Variants in MARCHF7 observed in about 807,000 individuals in gnomAD.
MARCHF7 encodes the protein E3 ubiquitin-protein ligase MARCHF7.
In MARCHF7, 20 loss-of-function variants were observed where a neutral mutation model predicts 76.5. The observed-to-expected ratio is 0.26, with a 90% CI of 0.18 to 0.38. The LOEUF is 0.38. MARCHF7 is among the 10% of genes least tolerant of loss of function. The pLI, the probability that MARCHF7 is intolerant of heterozygous loss-of-function variation, is 1.00. For synonymous variants in MARCHF7, 295 were observed against 293.0 expected (o/e 1.01, Z -0.07); for missense variants, 797 against 812.9 (o/e 0.98, Z 0.24).
chr2:159,730,479 T>C (rs1460194084), intron 4 of MARCHF7, among the ~76,000 whole-genome samples: 1 of 152,194 alleles, frequency 6.6e-6, no homozygotes, highest in Non-Finnish European at 1.5e-5. Flanking sequence ...AAACAAAAAA[T>C]GAAAATGCTC....
At chr2:159,737,656 C>T (rs1163356700) in intron 4 of MARCHF7, among the ~76,000 whole-genome samples, 2 of 152,064 alleles carry the variant, frequency 1.3e-5, no homozygotes, top group Non-Finnish European at 2.9e-5. Context: ...TGCATGGTGT[C>T]GCATGCCTGT....
chr2:159,756,925 G>T (rs1275890719), intron 8 of MARCHF7, among the ~76,000 whole-genome samples: 10 of 151,976 alleles, frequency 6.6e-5, no homozygotes, highest in Admixed American at 1.3e-4. Flanking sequence ...ACGGAGTCTT[G>T]TTCTGTCACC....
chr2:159,748,852 C>T lies in MARCHF7; in HGVS notation c.1562C>T (p.Thr521Ile). The change falls in exon 7 of 12, where the codon ACT (threonine) becomes ATT (isoleucine). Residue 521 changes from threonine to isoleucine, a missense_variant. Coordinates refer to ENST00000409175, the MANE Select transcript of MARCHF7 (RefSeq NM_001282805.2). ...WNSADGKSDK[T>I]KSAPSRDPER... Reference sequence around the variant, plus strand: ...TCAGCTGATGGTAAAAGTGATAAAACTAAAAGTGCGCCTTCAAGAGATCCA... The same window carrying T: ...TCAGCTGATGGTAAAAGTGATAAAATTAAAAGTGCGCCTTCAAGAGATCCA... 6.2e-7 allele frequency: 1 copy of T among 1,613,112 alleles called. No homozygotes were observed. The highest frequency in any genetic ancestry group is 2.2e-5 in the East Asian group (1 of 44,878).
chr2:159,713,934 T>C (rs1022812344), intron 1 of MARCHF7, among the ~76,000 whole-genome samples: 2 of 152,232 alleles, frequency 1.3e-5, no homozygotes, highest in Non-Finnish European at 2.9e-5. Context: ...TTTCCAAGTT[T>C]AGTGCTGGGT....
At position 159,714,956 on chromosome 2, in the gene MARCHF7, C is replaced by T. The variant is rs554455288; in HGVS notation, c.-101+358C>T. Among the ~76,000 whole-genome samples, 4 of 152,190 alleles carry T rather than the reference C, an allele frequency of 2.6e-5. No individual in the cohort carries two copies. The South Asian group carries it at 6.2e-4, about 24-fold the overall frequency. On this transcript the variant is annotated intron_variant, in intron 2 of 11. Coordinates refer to ENST00000409175, the MANE Select transcript of MARCHF7 (RefSeq NM_001282805.2). Reference sequence around the variant, plus strand: ...AAAATAAAGTTAGTGCTCTATGCTGCGGAATGGAGAGCTATTGTGTTCCTT... The same window carrying T: ...AAAATAAAGTTAGTGCTCTATGCTGTGGAATGGAGAGCTATTGTGTTCCTT...
At position 159,744,199 on chromosome 2, in the gene MARCHF7, G is replaced by A. The variant is rs529879839; in HGVS notation, c.346+946G>A. Among the ~76,000 whole-genome samples the A allele has an allele frequency of 1.3e-3, 202 of 151,672 alleles. 1 individual carries two copies. Among genetic ancestry groups the A allele is most frequent in the Admixed American group, 2.4e-3 (37 of 15,232 alleles). ...AGACGGGGTTTCACCGTTTTTAGCCGGGATGGTCTCGATCTCCTGACCTCG... is the reference window on the plus strand; with the variant it reads ...AGACGGGGTTTCACCGTTTTTAGCCAGGATGGTCTCGATCTCCTGACCTCG... On this transcript the variant is annotated intron_variant, in intron 5 of 11. Transcript: ENST00000409175.
At chr2:159,761,406 C>CTTTTCTTT (rs1707065139) in intron 9 of MARCHF7, among the ~76,000 whole-genome samples, 1 of 73,778 alleles carries the variant, frequency 1.4e-5, no homozygotes, top group South Asian at 5.0e-4. Context: ...TGAATCATTT[C>CTTTTCTTT]TTTTTTTTTT....
rs755220068 is a variant in MARCHF7 at position 159,762,840 on chromosome 2, T to C, written c.1894-40T>C. Reference sequence around the variant, plus strand: ...TCTCAATTCTACTAATTTTTCATTCTCTGTATTTTTCTTTTCTCCTGTTTG... The same window carrying C: ...TCTCAATTCTACTAATTTTTCATTCCCTGTATTTTTCTTTTCTCCTGTTTG... On this transcript the variant is annotated intron_variant, in intron 9 of 11. Transcript: ENST00000409175. 26 of 1,228,162 alleles carry C rather than the reference T, an allele frequency of 2.1e-5. 1 individual carries two copies. Among genetic ancestry groups the C allele is most frequent in the Non-Finnish European group, 2.8e-5 (24 of 848,204 alleles). 76.1% of individuals were successfully genotyped at this position (1,228,162 alleles called of 1,614,324 possible).
intron 3 of MARCHF7, among the ~76,000 whole-genome samples, chr2:159,728,493 T>C (rs1456086283): frequency 2.0e-5 from 3 of 152,174 alleles, no homozygotes; most frequent in South Asian, 2.1e-4. Flanking sequence ...CATAGTAGTA[T>C]CAAAAGTATG....
Position 159,768,799 on chromosome 2 carries a change from C to T in MARCHF7, c.*1457C>T, listed in dbSNP as rs1409648308. Reference sequence around the variant, plus strand: ...TATATTCTGTGGGTCCTAAGGGATGCTTTGAATTTGAAGTATATATACTTT... The same window carrying T: ...TATATTCTGTGGGTCCTAAGGGATGTTTTGAATTTGAAGTATATATACTTT... On this transcript the variant is annotated 3_prime_UTR_variant, in exon 12 of 12. Transcript: ENST00000409175. The T allele has an allele frequency of 6.6e-6, 1 of 152,098 alleles. No individual in the cohort carries two copies. Among genetic ancestry groups the T allele is most frequent in the African/African-American group, 2.4e-5 (1 of 41,424 alleles). The allele number at this position is 152,098 out of a possible 1,614,324, so 9.4% of individuals were successfully genotyped here.
At chr2:159,714,957 G>A (rs1700868112) in intron 2 of MARCHF7, among the ~76,000 whole-genome samples, 2 of 152,206 alleles carry the variant, frequency 1.3e-5, no homozygotes, top group Admixed American at 6.5e-5. Flanking sequence ...TCTATGCTGC[G>A]GAATGGAGAG....
intron 9 of MARCHF7, among the ~76,000 whole-genome samples, chr2:159,761,148 C>T (rs1180783103): frequency 4.6e-5 from 7 of 151,258 alleles, no homozygotes; most frequent in Non-Finnish European, 1.0e-4. Flanking sequence ...GCCTCAGCCT[C>T]CCAAGTAGGT....
At chr2:159,765,642 G>A (rs1574466517) in intron 11 of MARCHF7, among the ~76,000 whole-genome samples, 2 of 152,204 alleles carry the variant, frequency 1.3e-5, no homozygotes, top group Admixed American at 1.3e-4. Flanking sequence ...AGAAAGCTCA[G>A]CATCCTTTGA....
rs538273181 is a variant in MARCHF7 at position 159,770,280 on chromosome 2, G to A, written c.*2938G>A. ...AATCACTATACAAAATCTCAGAAAT[G>A]TAAAGCTCTTACAGAGCATGCTTGT... On this transcript the variant is annotated 3_prime_UTR_variant, in exon 12 of 12. Coordinates refer to ENST00000409175, the MANE Select transcript of MARCHF7 (RefSeq NM_001282805.2). The A allele has an allele frequency of 6.6e-6, 1 of 152,274 alleles. No homozygotes were observed. Among genetic ancestry groups the A allele is most frequent in the African/African-American group, 2.4e-5 (1 of 41,554 alleles). The allele number at this position is 152,274 out of a possible 1,614,324, so 9.4% of individuals were successfully genotyped here. A position where few individuals can be genotyped will look rare whatever the true frequency, so the allele number is the denominator to read the frequency against.
In MARCHF7 at chr2:159,770,563, G is replaced by A. The variant is rs1371583529; in HGVS notation, c.*3221G>A. On this transcript the variant is annotated 3_prime_UTR_variant, in exon 12 of 12. Transcript: ENST00000409175. ...AGATAATTGATGGGGTGTGGATTCA[G>A]AAGAGGGATTACTTTTCTTTGAGCC... The A allele has an allele frequency of 6.6e-6, 1 of 152,166 alleles. No individual in the cohort carries two copies. Among genetic ancestry groups the A allele is most frequent in the African/African-American group, 2.4e-5 (1 of 41,452 alleles). 9.4% of individuals were successfully genotyped at this position (152,166 alleles called of 1,614,324 possible). A position where few individuals can be genotyped will look rare whatever the true frequency, so the allele number is the denominator to read the frequency against.
At chr2:159,751,539 G>A (rs1027525278) in intron 7 of MARCHF7, among the ~76,000 whole-genome samples, 1 of 152,108 alleles carries the variant, frequency 6.6e-6, no homozygotes, top group Non-Finnish European at 1.5e-5. Flanking sequence ...GTCTCCTAGC[G>A]GCTGTATATC....
intron 5 of MARCHF7, among the ~76,000 whole-genome samples, chr2:159,743,789 C>CCCCAGCCACTTGGGGGCCT (rs1237875952): frequency 6.6e-6 from 1 of 150,838 alleles, no homozygotes; most frequent in Non-Finnish European, 1.5e-5. Context: ...TGCCTGTAGT[C>CCCCAGCCACTTGGGGGCCT]CCCAGCCACT....
intron 8 of MARCHF7, among the ~76,000 whole-genome samples, chr2:159,754,497 T>C (rs1706048047): frequency 6.6e-6 from 1 of 151,976 alleles, no homozygotes; most frequent in Non-Finnish European, 1.5e-5. Flanking sequence ...GACAGCAACA[T>C]AGGTTCGATA....
chr2:159,741,689 C>G (rs1704144306), intron 4 of MARCHF7, among the ~76,000 whole-genome samples: 1 of 152,096 alleles, frequency 6.6e-6, no homozygotes, highest in African/African-American at 2.4e-5. Context: ...CATTTTAACT[C>G]TTTTGTTAAA....
Sources: gnomAD v4.1 joint callset for allele counts (sites outside exome capture counted in the v4.1 genomes callset) on GRCh38, gnomAD v4.1.1 for gene constraint, MANE v1.5 for transcripts, NCBI Gene and HGNC (gene_info 2026-07-23, HGNC 2026-07-21) for gene names.